Variants in PATJ observed in about 807,000 individuals in gnomAD.
The protein encoded by PATJ is PATJ crumbs cell polarity complex component.
Under a neutral mutation model 224.9 loss-of-function variants are expected in PATJ, and 190 were observed. That is an observed-to-expected ratio of 0.84 (90% CI 0.75 to 0.95). The LOEUF (loss-of-function observed/expected upper bound fraction) is 0.95. Among genes scored for constraint, PATJ ranks in the 40% least tolerant of loss-of-function variants. PATJ has a pLI of 0.00. For missense variants in PATJ, 2,121 were observed against 2,270.3 expected (o/e 0.93, Z 1.34); for synonymous variants, 769 against 820.3 (o/e 0.94, Z 1.07).
rs532692204 is a variant in PATJ at position 61,869,134 on chromosome 1, T to C, written c.2835+4501T>C. Reference sequence around the variant, plus strand: ...TTTTTTTTTCTTTTTTGAGACGGAGTCTCGCTCTGTCGCCCAGGCTGGAGT... The same window carrying C: ...TTTTTTTTTCTTTTTTGAGACGGAGCCTCGCTCTGTCGCCCAGGCTGGAGT... On this transcript the variant is annotated intron_variant, in intron 20 of 43. Transcript: ENST00000642238. 2.2e-5 allele frequency among the ~76,000 whole-genome samples: 3 copies of C among 136,852 alleles called. No individual in the cohort carries two copies. The South Asian group carries it at 7.4e-4, about 34-fold the overall frequency. 89.8% of individuals were successfully genotyped at this position (136,852 alleles called of 152,430 possible).
At chr1:62,048,220 A>G (rs1367349636) in intron 30 of PATJ, among the ~76,000 whole-genome samples, 1 of 152,180 alleles carries the variant, frequency 6.6e-6, no homozygotes, top group Non-Finnish European at 1.5e-5. Context: ...AAAAAGCTAG[A>G]AACAGTTCTG....
intron 27 of PATJ, among the ~76,000 whole-genome samples, chr1:61,943,253 G>C (rs947988467): frequency 6.6e-6 from 1 of 152,160 alleles, no homozygotes; most frequent in East Asian, 1.9e-4. Context: ...TCTCACAGGG[G>C]CTTGTCAGAC....
intron 1 of PATJ, among the ~76,000 whole-genome samples, chr1:61,759,472 C>G (rs898411752): frequency 6.7e-6 from 1 of 150,010 alleles, no homozygotes; most frequent in East Asian, 2.0e-4. Flanking sequence ...TGCAGTGGCA[C>G]GATCCCGGCT....
At chr1:62,134,017 A>C (rs1235313660) in intron 41 of PATJ, among the ~76,000 whole-genome samples, 2 of 152,002 alleles carry the variant, frequency 1.3e-5, no homozygotes, top group Non-Finnish European at 2.9e-5. Flanking sequence ...CAGTGCTGAG[A>C]TTACAGGTGT....
chr1:62,100,451 T>C, intron 33 of PATJ: 1 of 714,992 alleles, frequency 1.4e-6, no homozygotes, highest in Non-Finnish European at 2.6e-6. Flanking sequence ...GAACTCTTTT[T>C]ATTAGGAACT....
At chr1:61,879,863 G>C (rs1356129543) in intron 21 of PATJ, among the ~76,000 whole-genome samples, 1 of 148,932 alleles carries the variant, frequency 6.7e-6, no homozygotes. Flanking sequence ...TTTTTAGATA[G>C]AGTCTCACTC....
intron 30 of PATJ, chr1:62,039,151 C>G: frequency 6.6e-6 from 4 of 606,260 alleles, no homozygotes; most frequent in Non-Finnish European, 1.3e-5. Flanking sequence ...CATAGGAACT[C>G]CATCCTACCT....
Position 61,996,002 on chromosome 1 carries a change from C to T in PATJ, c.3867+5638C>T, listed in dbSNP as rs558859715. 5.3e-5 allele frequency among the ~76,000 whole-genome samples: 8 copies of T among 152,270 alleles called. No individual in the cohort carries two copies. The South Asian group carries it at 1.7e-3, about 32-fold the overall frequency. On this transcript the variant is annotated intron_variant, in intron 28 of 43. Transcript: ENST00000642238. Reference sequence around the variant, plus strand: ...CACAAGAGGTGCACAATTGATTGGGCTAGTGTATTGAGCTGTGTTTTGTCT... The same window carrying T: ...CACAAGAGGTGCACAATTGATTGGGTTAGTGTATTGAGCTGTGTTTTGTCT...
chr1:62,148,066 A>G (rs1369731932), intron 41 of PATJ, among the ~76,000 whole-genome samples: 4 of 148,506 alleles, frequency 2.7e-5, no homozygotes, highest in Non-Finnish European at 4.5e-5. Context: ...GGCTACAGAG[A>G]GCCAAAATCA....
chr1:61,936,529 A>G (rs1676909867), intron 27 of PATJ, among the ~76,000 whole-genome samples: 1 of 151,838 alleles, frequency 6.6e-6, no homozygotes, highest in African/African-American at 2.4e-5. Flanking sequence ...TTCAAAACCT[A>G]CAGAGTATTT....
intron 27 of PATJ, among the ~76,000 whole-genome samples, chr1:61,936,467 A>G (rs1676900195): frequency 6.7e-6 from 1 of 150,294 alleles, no homozygotes; most frequent in African/African-American, 2.4e-5. Context: ...AAAGGAAGAG[A>G]ACAAATTAAA....
At chr1:61,881,964 T>C (rs1434644603) in intron 21 of PATJ, among the ~76,000 whole-genome samples, 82 of 152,208 alleles carry the variant, frequency 5.4e-4, no homozygotes, top group Non-Finnish European at 7.3e-5. Flanking sequence ...CGGAAAACAG[T>C]ATACTCATAT....
rs1485313476 is a variant in PATJ, at chr1:62,086,216, A to G, written c.4377+1568A>G. ...TGGGTTTTGATTTACTCAAGATGTG[A>G]TTAATTAATGCATGTGTGTGTGTGT... On this transcript the variant is annotated intron_variant, in intron 33 of 43. Coordinates refer to ENST00000642238, the MANE Select transcript of PATJ (RefSeq NM_001350145.3). This position sits in a 1 kb window ranked among gnomAD's most constrained non-coding sequence, Gnocchi z 4.0. Among the ~76,000 whole-genome samples, 1 of 132,840 alleles carries G rather than the reference A, an allele frequency of 7.5e-6. No individual in the cohort carries two copies. 87.1% of individuals were successfully genotyped at this position (132,840 alleles called of 152,430 possible). A position where few individuals can be genotyped will look rare whatever the true frequency, so the allele number is the denominator to read the frequency against.
intron 15 of PATJ, among the ~76,000 whole-genome samples, chr1:61,825,622 A>G (rs1459446778): frequency 2.0e-5 from 3 of 152,176 alleles, no homozygotes; most frequent in Non-Finnish European, 2.9e-5. Context: ...TACAGCAGCT[A>G]TAAATCCCCT....
chr1:62,142,773 TG>T (rs34513784), intron 41 of PATJ, among the ~76,000 whole-genome samples: 1 of 152,040 alleles, frequency 6.6e-6, no homozygotes, highest in Non-Finnish European at 1.5e-5. Context: ...GTTTGGGGGA[TG>T]GGGGGAATTC....
intron 31 of PATJ, among the ~76,000 whole-genome samples, chr1:62,052,331 G>A (rs1383248795): frequency 6.6e-6 from 1 of 151,332 alleles, no homozygotes; most frequent in Non-Finnish European, 1.5e-5. Context: ...GGGAAAGAAT[G>A]TTTCAGCAAG....
intron 27 of PATJ, among the ~76,000 whole-genome samples, chr1:61,957,902 C>T (rs1053556057): frequency 5.3e-5 from 8 of 152,086 alleles, no homozygotes; most frequent in Non-Finnish European, 7.4e-5. Context: ...TGAGCAAATT[C>T]GTTATTAGAA....
rs542977381 is a variant in PATJ at position 62,090,235 on chromosome 1, C to T, written c.4377+5587C>T. Among the ~76,000 whole-genome samples, 142 of 152,302 alleles carry T rather than the reference C, an allele frequency of 9.3e-4. 1 individual carries two copies. The highest frequency in any genetic ancestry group is 3.3e-3 in the African/African-American group (137 of 41,560). ...CCTGGACCCAATCCTCAATGACAGACTTCTGCCTGTTGTTTTAATCTTGTG... is the reference window on the plus strand; with the variant it reads ...CCTGGACCCAATCCTCAATGACAGATTTCTGCCTGTTGTTTTAATCTTGTG... On this transcript the variant is annotated intron_variant, in intron 33 of 43. Transcript: ENST00000642238.
At position 62,122,363 on chromosome 1, in the gene PATJ, T is replaced by TAA. The variant is rs58555932; in HGVS notation, c.5006-637_5006-636dup. 8.7e-3 allele frequency among the ~76,000 whole-genome samples: 712 copies of TAA among 81,512 alleles called. 8 individuals are homozygous for TAA. The highest frequency in any genetic ancestry group is 0.026 in the African/African-American group (636 of 24,164). The allele number at this position is 81,512 out of a possible 152,430, so 53.5% of individuals were successfully genotyped here. A position where few individuals can be genotyped will look rare whatever the true frequency, so the allele number is the denominator to read the frequency against. On this transcript the variant is annotated intron_variant, in intron 38 of 43. Coordinates refer to ENST00000642238, the MANE Select transcript of PATJ (RefSeq NM_001350145.3). ...CTGGGCGACAGAGTGAGACTCCATC[T>TAA]AAAAAAAAAAAAAAAAAAAAAACCA...
Sources: gnomAD v4.1 joint callset for allele counts (sites outside exome capture counted in the v4.1 genomes callset) on GRCh38, gnomAD v4.1.1 for gene constraint, Gnocchi (gnomAD v3.1) non-coding constraint, MANE v1.5 for transcripts, NCBI Gene and HGNC (gene_info 2026-07-23, HGNC 2026-07-21) for gene names.